HPSE2: variants seen among roughly 807,000 people sequenced by gnomAD.
The protein encoded by HPSE2 is heparanase 2 (inactive), also known as inactive heparanase-2.
A neutral mutation model predicts 60.5 loss-of-function variants in HPSE2; 38 were observed. The observed-to-expected ratio is 0.63, with a 90% CI of 0.48 to 0.82. HPSE2 has a LOEUF of 0.82. Ranked by LOEUF, HPSE2 falls within the 40% of genes least tolerant of loss-of-function variation. The pLI, the probability that HPSE2 is intolerant of heterozygous loss-of-function variation, is 0.00. For missense variants in HPSE2, 713 were observed against 740.4 expected, an observed-to-expected ratio of 0.96 and a Z score of 0.43; for synonymous variants, 295 against 293.2, an observed-to-expected ratio of 1.01 and a Z score of -0.06.
At chr10:98,553,234 A>G (rs1045384282) in intron 9 of HPSE2, among the ~76,000 whole-genome samples, 2 of 152,222 alleles carry the variant, frequency 1.3e-5, no homozygotes, top group African/African-American at 4.8e-5. Flanking sequence ...CATTCTGGGA[A>G]TATTAAAAAG....
intron 3 of HPSE2, among the ~76,000 whole-genome samples, chr10:98,828,232 T>C (rs192494215): frequency 5.3e-5 from 8 of 152,356 alleles, no homozygotes; most frequent in Admixed American, 3.3e-4. Context: ...TCTTTTTGAA[T>C]AATGCTTTGT....
chr10:98,986,320 A>G (rs1271597177), intron 3 of HPSE2, among the ~76,000 whole-genome samples: 2 of 152,120 alleles, frequency 1.3e-5, no homozygotes, highest in Non-Finnish European at 2.9e-5. Flanking sequence ...ATCAAACTAG[A>G]ACTCAGGATT....
In HPSE2 at chr10:98,461,891, G is replaced by T. The variant is rs1403591999; in HGVS notation, c.1614-2152C>A. On this transcript the variant is annotated intron_variant, in intron 11 of 11. Transcript: ENST00000370552. ...ATACTAATAAGGAGTAGTTGTCCTG[G>T]AACAGGCCCTATTCTGGTTTCTTTA... The T allele has an allele frequency of 4.6e-6, 5 of 1,082,450 alleles. No individual in the cohort carries two copies. In the East Asian group the frequency reaches 1.0e-4, roughly 22 times the overall value. 67.1% of individuals were successfully genotyped at this position (1,082,450 alleles called of 1,614,324 possible).
At chr10:99,269,043 C>T in the HPSE2 span, among the ~76,000 whole-genome samples, 1 of 151,922 alleles carries the variant, frequency 6.6e-6, no homozygotes, top group East Asian at 1.9e-4. Flanking sequence ...CCTGCAATCC[C>T]AGTTACTTGA....
intron 11 of HPSE2, among the ~76,000 whole-genome samples, chr10:98,474,267 T>C (rs936922747): frequency 6.6e-6 from 1 of 152,234 alleles, no homozygotes; most frequent in Non-Finnish European, 1.5e-5. Flanking sequence ...AAGCTTCTTT[T>C]ACCTGATCTC....
At chr10:98,670,089 T>C (rs1947467299) in intron 6 of HPSE2, among the ~76,000 whole-genome samples, 1 of 152,120 alleles carries the variant, frequency 6.6e-6, no homozygotes, top group African/African-American at 2.4e-5. Context: ...GGAGCGTCAT[T>C]GTCATGTTTC....
intron 3 of HPSE2, among the ~76,000 whole-genome samples, chr10:98,834,277 A>G (rs1294127416): frequency 6.6e-6 from 1 of 152,156 alleles, no homozygotes; most frequent in Non-Finnish European, 1.5e-5. Context: ...GAAATATACT[A>G]ATTCCATTAA....
intron 9 of HPSE2, among the ~76,000 whole-genome samples, chr10:98,588,609 A>G (rs1372686299): frequency 6.6e-6 from 1 of 152,162 alleles, no homozygotes; most frequent in Non-Finnish European, 1.5e-5. Context: ...TGACAGTACA[A>G]GGAAGTCTCA....
chr10:98,821,836 G>A (rs984766090), intron 3 of HPSE2, among the ~76,000 whole-genome samples: 41 of 152,212 alleles, frequency 2.7e-4, no homozygotes, highest in Admixed American at 2.6e-3. Flanking sequence ...AAAACGACTT[G>A]GCTAATCATG....
At chr10:98,583,979 CTT>C (rs1262496013) in intron 9 of HPSE2, among the ~76,000 whole-genome samples, 1 of 152,148 alleles carries the variant, frequency 6.6e-6, no homozygotes, top group Non-Finnish European at 1.5e-5. Context: ...CACCTACAGG[CTT>C]TTGTGTGGAC....
At chr10:98,764,743 G>A (rs528552769) in intron 3 of HPSE2, among the ~76,000 whole-genome samples, 5 of 152,198 alleles carry the variant, frequency 3.3e-5, no homozygotes, top group Admixed American at 3.3e-4. Context: ...TGTAATCCTG[G>A]CTCCTCTGGA....
intron 2 of HPSE2, among the ~76,000 whole-genome samples, chr10:99,201,741 A>C (rs1335986047): frequency 2.6e-5 from 4 of 152,206 alleles, no homozygotes; most frequent in Non-Finnish European, 5.9e-5. Context: ...GATTATGACT[A>C]AAAACCTCAG....
At chr10:99,009,021 C>A (rs1284424782) in intron 3 of HPSE2, among the ~76,000 whole-genome samples, 1 of 151,998 alleles carries the variant, frequency 6.6e-6, no homozygotes, top group African/African-American at 2.4e-5. Context: ...AACTTTGCAA[C>A]AGTTGAGGGG....
intron 2 of HPSE2, among the ~76,000 whole-genome samples, chr10:99,211,131 A>G (rs1848939996): frequency 6.6e-6 from 1 of 152,128 alleles, no homozygotes; most frequent in Non-Finnish European, 1.5e-5. Context: ...GAACTATCCA[A>G]AAAAAAGAAA....
intron 3 of HPSE2, among the ~76,000 whole-genome samples, chr10:99,137,346 C>G (rs1314728641): frequency 6.6e-6 from 1 of 152,130 alleles, no homozygotes; most frequent in Non-Finnish European, 1.5e-5. Context: ...AATGCTATAT[C>G]CCCATCAAGC....
intron 11 of HPSE2, among the ~76,000 whole-genome samples, chr10:98,463,330 G>T (rs900431925): frequency 5.3e-5 from 8 of 152,174 alleles, no homozygotes; most frequent in Non-Finnish European, 1.2e-4. Context: ...ACTGTGGATC[G>T]CAGACCTCTG....
intron 9 of HPSE2, among the ~76,000 whole-genome samples, chr10:98,511,610 G>GTT (rs1282453099): frequency 6.6e-6 from 1 of 150,694 alleles, no homozygotes; most frequent in Non-Finnish European, 1.5e-5. Context: ...GTGTGTGTGT[G>GTT]TGCGCACGTG....
At chr10:98,898,166 G>C in intron 3 of HPSE2, among the ~76,000 whole-genome samples, 1 of 152,100 alleles carries the variant, frequency 6.6e-6, no homozygotes, top group South Asian at 2.1e-4. Flanking sequence ...AAGACAGTTT[G>C]GCAGCTATGT....
chr10:99,173,280 G>A (rs560868272), intron 2 of HPSE2, among the ~76,000 whole-genome samples: 1 of 152,146 alleles, frequency 6.6e-6, no homozygotes, highest in Non-Finnish European at 1.5e-5. Flanking sequence ...GATATTAGGA[G>A]AGCTGGGAAG....
Sources: allele counts gnomAD v4.1 joint callset (sites outside exome capture counted in the v4.1 genomes callset), GRCh38; gene constraint gnomAD v4.1.1; transcripts MANE v1.5; gene names NCBI Gene and HGNC (gene_info 2026-07-23, HGNC 2026-07-21).